Variants in PLEKHH2 observed in about 807,000 individuals in gnomAD.
PLEKHH2 encodes the protein pleckstrin homology, MyTH4 and FERM domain containing H2.
Under a neutral mutation model 187.9 loss-of-function variants are expected in PLEKHH2, and 129 were observed. The ratio of observed to expected loss-of-function variants is 0.69; its 90% CI spans 0.59 to 0.79. The LOEUF is 0.79. PLEKHH2 is among the 30% of genes least tolerant of loss of function. The pLI, the probability that PLEKHH2 is intolerant of heterozygous loss-of-function variation, is 0.00. For synonymous variants in PLEKHH2, 686 were observed against 605.6 expected (o/e 1.13, Z -1.95); for missense variants, 2,076 against 1,751.2 (o/e 1.19, Z -3.31).
intron 3 of PLEKHH2, among the ~76,000 whole-genome samples, chr2:43,686,561 A>C (rs976062277): frequency 6.6e-6 from 1 of 152,198 alleles, no homozygotes; most frequent in African/African-American, 2.4e-5. Context: ...ATGACCTTGT[A>C]ATGGATATTA....
chr2:43,639,790 G>T (rs977055395), intron 1 of PLEKHH2, among the ~76,000 whole-genome samples: 5 of 151,476 alleles, frequency 3.3e-5, no homozygotes, highest in African/African-American at 1.2e-4. Context: ...CCTAGTAGCT[G>T]GAATTATAGG....
At chr2:43,745,446 G>C (rs915886754) in intron 23 of PLEKHH2, among the ~76,000 whole-genome samples, 4 of 152,262 alleles carry the variant, frequency 2.6e-5, no homozygotes, top group African/African-American at 9.6e-5. Flanking sequence ...CAAATAGCTA[G>C]ACCTGGGTCT....
chr2:43,711,441 A>G, intron 14 of PLEKHH2: 1 of 975,708 alleles, frequency 1.0e-6, no homozygotes, highest in South Asian at 4.8e-5. Context: ...ATAATATCTA[A>G]TCACATGTTC....
intron 25 of PLEKHH2, among the ~76,000 whole-genome samples, chr2:43,756,818 A>G (rs566968165): frequency 1.3e-3 from 198 of 152,098 alleles, no homozygotes; most frequent in Non-Finnish European, 2.2e-3. Flanking sequence ...GCGTGGTGGT[A>G]TATGCCTGTA....
In PLEKHH2 at chr2:43,754,727, G is replaced by T. The variant is rs115404647; in HGVS notation, c.3795+967G>T. Among the ~76,000 whole-genome samples the T allele has an allele frequency of 6.1e-3, 926 of 152,246 alleles. 17 individuals carry two copies. Among genetic ancestry groups the T allele is most frequent in the African/African-American group, 0.021 (875 of 41,530 alleles). On this transcript the variant is annotated intron_variant, in intron 25 of 29. Coordinates refer to ENST00000282406, the MANE Select transcript of PLEKHH2 (RefSeq NM_172069.4). ...TGGACCAAGGCTTAGATTCCCCAGG[G>T]TCTTTGGCCTATGGCTCTTCACGCT...
At chr2:43,707,672 T>G (rs755031379) in intron 11 of PLEKHH2, 127 bp downstream of exon 11, 2 of 1,074,238 alleles carry the variant, frequency 1.9e-6, no homozygotes, top group Non-Finnish European at 2.6e-6. Context: ...TGAAAAGAAC[T>G]TTAGCCTATG....
chr2:43,744,224 G>A (rs1671684836), intron 23 of PLEKHH2: 2 of 878,924 alleles, frequency 2.3e-6, no homozygotes, highest in South Asian at 4.2e-5. Context: ...TGTTAGTAAT[G>A]GAAATGATAC....
intron 23 of PLEKHH2, 135 bp downstream of exon 23, chr2:43,744,124 G>GAA: frequency 4.7e-6 from 6 of 1,263,512 alleles, no homozygotes; most frequent in Admixed American, 3.3e-5. Context: ...TCCACGATAA[G>GAA]AAAAAAAAAA....
intron 14 of PLEKHH2, chr2:43,711,135 C>T (rs113857915): frequency 0.018 from 17,420 of 985,850 alleles, 176 homozygotes; most frequent in Non-Finnish European, 0.02. Flanking sequence ...ATTTAAAACA[C>T]AGGCTGTTGA....
intron 2 of PLEKHH2, among the ~76,000 whole-genome samples, chr2:43,651,569 C>CTT (rs56935564): frequency 2.0e-5 from 3 of 151,192 alleles, no homozygotes; most frequent in African/African-American, 7.3e-5. Flanking sequence ...ATTTTTGTGT[C>CTT]TTTTTTTTTG....
chr2:43,745,718 CAG>C, intron 23 of PLEKHH2, 146 bp from the exon 24 acceptor site: 1 of 543,290 alleles, frequency 1.8e-6, no homozygotes, highest in Non-Finnish European at 3.2e-6. Flanking sequence ...ATACTAAACT[CAG>C]AGCCGCACAG....
At position 43,746,098 on chromosome 2, in the gene PLEKHH2, T is replaced by C. The variant is rs530297264; in HGVS notation, c.3653+135T>C. 7.7e-6 allele frequency: 4 copies of C among 520,714 alleles called. No individual in the cohort carries two copies. In the South Asian group the frequency reaches 1.8e-4, roughly 23 times the overall value. The allele number at this position is 520,714 out of a possible 1,614,324, so 32.3% of individuals were successfully genotyped here. A position where few individuals can be genotyped will look rare whatever the true frequency, so the allele number is the denominator to read the frequency against. ...TTTGTCTTTCTATAAATGATAACTC[T>C]GTTTCTATAGGAAAAAAACCTTGTC... On this transcript the variant is annotated intron_variant, in intron 24 of 29. Transcript: ENST00000282406.
At chr2:43,659,772 T>G (rs1337223924) in intron 2 of PLEKHH2, among the ~76,000 whole-genome samples, 4 of 152,166 alleles carry the variant, frequency 2.6e-5, no homozygotes, top group Non-Finnish European at 5.9e-5. Flanking sequence ...TTGGCCAGGC[T>G]GGTCTCGAAC....
chr2:43,749,655 CTG>C (rs545594391), intron 24 of PLEKHH2, among the ~76,000 whole-genome samples: 345 of 152,348 alleles, frequency 2.3e-3, no homozygotes, highest in African/African-American at 8.0e-3. Context: ...TAACAGAACT[CTG>C]AAATGGCTGG....
intron 19 of PLEKHH2, among the ~76,000 whole-genome samples, chr2:43,734,963 A>G (rs2104580255): frequency 6.6e-6 from 1 of 152,240 alleles, no homozygotes; most frequent in African/African-American, 2.4e-5. Flanking sequence ...GGAGTTTGAG[A>G]CCAGCCTGGC....
chr2:43,672,565 T>A (rs965035083), intron 2 of PLEKHH2, among the ~76,000 whole-genome samples: 10 of 152,238 alleles, frequency 6.6e-5, no homozygotes, highest in Admixed American at 2.6e-4. Context: ...TCACCAGTTG[T>A]TGCCTAGTTA....
At chr2:43,648,374 A>G (rs549574410) in intron 2 of PLEKHH2, among the ~76,000 whole-genome samples, 1 of 152,116 alleles carries the variant, frequency 6.6e-6, no homozygotes, top group South Asian at 2.1e-4. Flanking sequence ...TTTTTAGTAG[A>G]GACAGTGTTT....
At chr2:43,683,431 G>T (rs761672582) in intron 3 of PLEKHH2, among the ~76,000 whole-genome samples, 3 of 151,784 alleles carry the variant, frequency 2.0e-5, no homozygotes, top group South Asian at 2.1e-4. Flanking sequence ...GAGCCACCTC[G>T]CCCGGCCCTC....
At chr2:43,758,760 C>T (rs1672313570) in intron 26 of PLEKHH2, 140 bp from the exon 27 acceptor site, 5 of 636,468 alleles carry the variant, frequency 7.9e-6, no homozygotes, top group Non-Finnish European at 2.5e-6. Flanking sequence ...ATGAGAGTCA[C>T]AAAATCTTTA....
Sources: gnomAD v4.1 joint callset for allele counts (sites outside exome capture counted in the v4.1 genomes callset) on GRCh38, gnomAD v4.1.1 for gene constraint, MANE v1.5 for transcripts, NCBI Gene and HGNC (gene_info 2026-07-23, HGNC 2026-07-21) for gene names.